The following CTNND2 variants were observed in gnomAD, a reference collection of about 807,000 sequenced individuals.
CTNND2 encodes catenin delta 2, also known as catenin delta-2.
A neutral mutation model predicts 144.4 loss-of-function variants in CTNND2; 22 were observed. The observed-to-expected ratio is 0.15, with a 90% CI of 0.11 to 0.22. The LOEUF (loss-of-function observed/expected upper bound fraction) is 0.22, where lower values mean the gene tolerates loss of function less well. Among genes scored for constraint, CTNND2 ranks in the 10% least tolerant of loss-of-function variants. The pLI is 1.00. For synonymous variants in CTNND2, 751 were observed against 695.6 expected, an observed-to-expected ratio of 1.08 and a Z score of -1.25; for missense variants, 1,353 against 1,618.8, an observed-to-expected ratio of 0.84 and a Z score of 2.82.
At chr5:11,107,992 C>T (rs1055147145) in intron 14 of CTNND2, among the ~76,000 whole-genome samples, 26 of 152,170 alleles carry the variant, frequency 1.7e-4, no homozygotes, top group African/African-American at 6.3e-4. Context: ...CCACAGAGTC[C>T]TTTGCCCCAG....
At chr5:11,792,275 G>A (rs1381643460) in intron 1 of CTNND2, among the ~76,000 whole-genome samples, 3 of 137,030 alleles carry the variant, frequency 2.2e-5, no homozygotes, top group East Asian at 2.2e-4. Context: ...TTTAGATACC[G>A]AGACACAATT....
intron 2 of CTNND2, among the ~76,000 whole-genome samples, chr5:11,602,846 T>C (rs1779873480): frequency 6.7e-6 from 1 of 149,086 alleles, no homozygotes; most frequent in Non-Finnish European, 1.5e-5. Context: ...TCTGGAATAC[T>C]ACTTTCCATT....
intron 1 of CTNND2, among the ~76,000 whole-genome samples, chr5:11,772,698 A>G (rs1203916152): frequency 6.6e-6 from 1 of 152,164 alleles, no homozygotes; most frequent in African/African-American, 2.4e-5. Context: ...GAAGTTTTTG[A>G]TCCAATTGAA....
At chr5:11,678,832 G>A (rs115673746) in intron 2 of CTNND2, among the ~76,000 whole-genome samples, 124 of 152,110 alleles carry the variant, frequency 8.2e-4, no homozygotes, top group African/African-American at 2.9e-3. Context: ...CCAGAGTACT[G>A]GAGTTTTTGG....
intron 1 of CTNND2, among the ~76,000 whole-genome samples, chr5:11,900,785 C>A (rs1421182174): frequency 6.6e-6 from 1 of 152,198 alleles, no homozygotes; most frequent in Admixed American, 6.5e-5. Flanking sequence ...AAGAACCACA[C>A]CTTCAGCTGA....
intron 16 of CTNND2, among the ~76,000 whole-genome samples, chr5:11,042,660 G>A (rs1024504169): frequency 6.6e-6 from 1 of 152,158 alleles, no homozygotes; most frequent in Non-Finnish European, 1.5e-5. Flanking sequence ...GTAAATTATA[G>A]AATTGAGCTT....
intron 1 of CTNND2, among the ~76,000 whole-genome samples, chr5:11,773,955 C>G (rs919448140): frequency 1.3e-4 from 20 of 152,018 alleles, no homozygotes; most frequent in Admixed American, 1.3e-3. Context: ...CTTTTAATAT[C>G]TGCACTTCCT....
intron 10 of CTNND2, among the ~76,000 whole-genome samples, chr5:11,210,749 G>A (rs959687928): frequency 1.3e-5 from 2 of 152,126 alleles, no homozygotes; most frequent in African/African-American, 4.8e-5. Context: ...GATTATAAGA[G>A]GCCCACAAAT....
At chr5:11,312,065 T>A (rs917357182) in intron 9 of CTNND2, among the ~76,000 whole-genome samples, 21 of 120,430 alleles carry the variant, frequency 1.7e-4, no homozygotes, top group African/African-American at 6.8e-4. Context: ...CATACACCCT[T>A]ACCCCATACA....
In CTNND2 at chr5:11,413,610, T is replaced by C. The variant is rs1383836681; in HGVS notation, c.288-1541A>G. Among the ~76,000 whole-genome samples, 5 of 152,222 alleles carry C rather than the reference T, an allele frequency of 3.3e-5. No individual in the cohort carries two copies. In the South Asian group the frequency reaches 1.0e-3, roughly 32 times the overall value. On this transcript the variant is annotated intron_variant, in intron 3 of 21. Coordinates refer to ENST00000304623, the MANE Select transcript of CTNND2 (RefSeq NM_001332.4). ...AATCACCTGTAGCATTTCTTAAGTA[T>C]ATGTATTTTGGGGCCCTACTAGAGA...
chr5:11,720,714 T>G (rs756133343), intron 2 of CTNND2, among the ~76,000 whole-genome samples: 2 of 152,222 alleles, frequency 1.3e-5, no homozygotes, highest in African/African-American at 4.8e-5. Context: ...AAATATAATA[T>G]TTACATATTT....
chr5:11,129,169 T>TAC (rs1356317941), intron 12 of CTNND2, among the ~76,000 whole-genome samples: 1 of 19,292 alleles, frequency 5.2e-5, no homozygotes, highest in South Asian at 1.9e-3. Flanking sequence ...ATATTATATA[T>TAC]TATATATTTT....
rs540938450 is a variant in CTNND2 at position 11,238,410 on chromosome 5, G to T, written c.1629-1587C>A. The stretch of plus-strand genomic sequence containing the variant: ...AATGCCAGGTCGATGCTGTCATCTG[G>T]GAAGAGAAGACATGAAAAATGGGAC... On this transcript the variant is annotated intron_variant, in intron 9 of 21. Coordinates refer to ENST00000304623, the MANE Select transcript of CTNND2 (RefSeq NM_001332.4). Among the ~76,000 whole-genome samples, 4 of 152,174 alleles carry T rather than the reference G, an allele frequency of 2.6e-5. 1 individual carries two copies. Among genetic ancestry groups the T allele is most frequent in the African/African-American group, 9.6e-5 (4 of 41,514 alleles).
chr5:11,548,941 A>G (rs1187432856), intron 3 of CTNND2, among the ~76,000 whole-genome samples: 2 of 152,234 alleles, frequency 1.3e-5, no homozygotes, highest in Non-Finnish European at 2.9e-5. Flanking sequence ...GCCAAACATA[A>G]TAACTGTTTA....
At chr5:11,443,485 G>A (rs1489132281) in intron 3 of CTNND2, among the ~76,000 whole-genome samples, 1 of 151,492 alleles carries the variant, frequency 6.6e-6, no homozygotes, top group Non-Finnish European at 1.5e-5. Flanking sequence ...ACATATATAT[G>A]TGCATATGTC....
intron 3 of CTNND2, among the ~76,000 whole-genome samples, chr5:11,541,587 C>G (rs951028434): frequency 2.6e-5 from 4 of 152,136 alleles, no homozygotes; most frequent in Admixed American, 6.5e-5. Context: ...TAGAGAATGA[C>G]GAACACACTT....
At chr5:11,778,674 A>G (rs544560642) in intron 1 of CTNND2, among the ~76,000 whole-genome samples, 4 of 152,338 alleles carry the variant, frequency 2.6e-5, no homozygotes, top group Admixed American at 2.6e-4. Context: ...GATCCTAGAG[A>G]GACCTAACTA....
intron 9 of CTNND2, among the ~76,000 whole-genome samples, chr5:11,275,554 ACT>A (rs1451266600): frequency 6.6e-6 from 1 of 152,114 alleles, no homozygotes; most frequent in Non-Finnish European, 1.5e-5. Flanking sequence ...CCTATCCACC[ACT>A]CTGAGTTGCT....
intron 1 of CTNND2, among the ~76,000 whole-genome samples, chr5:11,785,855 C>T (rs1209399499): frequency 2.0e-5 from 3 of 152,188 alleles, no homozygotes; most frequent in Non-Finnish European, 4.4e-5. Context: ...AACTTGAGCA[C>T]CTTTCTGGGT....
Sources: allele counts gnomAD v4.1 joint callset (sites outside exome capture counted in the v4.1 genomes callset), GRCh38; gene constraint gnomAD v4.1.1; transcripts MANE v1.5; gene names NCBI Gene and HGNC (gene_info 2026-07-23, HGNC 2026-07-21).